SPDEF: variants seen among roughly 807,000 people sequenced by gnomAD.
SPDEF encodes SAM pointed domain-containing Ets transcription factor.
SPDEF carries 12 observed loss-of-function variants against 36.0 expected under a neutral mutation model. The ratio of observed to expected loss-of-function variants is 0.33; its 90% CI spans 0.21 to 0.54. The LOEUF is 0.54. SPDEF is among the 20% of genes least tolerant of loss of function. The pLI, the probability that SPDEF is intolerant of heterozygous loss-of-function variation, is 0.93. For synonymous variants in SPDEF, 205 were observed against 193.0 expected, an observed-to-expected ratio of 1.06 and a Z score of -0.51; for missense variants, 388 against 456.9, an observed-to-expected ratio of 0.85 and a Z score of 1.37.
At chr6:34,553,706 G>A (rs562167806) in intron 1 of SPDEF, among the ~76,000 whole-genome samples, 8 of 152,136 alleles carry the variant, frequency 5.3e-5, no homozygotes, top group South Asian at 2.1e-4. Flanking sequence ...TGAGGAAGCC[G>A]GGGAGCAAAG....
In SPDEF at chr6:34,539,307, A is replaced by C; in HGVS notation, c.772T>G (p.Leu258Val). 2 of 1,613,714 alleles carry C rather than the reference A, an allele frequency of 1.2e-6. No homozygotes were observed. Among genetic ancestry groups the C allele is most frequent in the Non-Finnish European group, 1.7e-6 (2 of 1,179,986 alleles). The stretch of plus-strand genomic sequence containing the variant: ...CCATAGCTGTGGGGCTTGAGTAGCA[A>C]CTCCTTGAGGAACTGCCACAGGTGG... ...PIHLWQFLKE[L>V]LLKPHSYGRF... is the part of the protein sequence containing the mutation. The change falls in exon 5 of 6, where the codon TTG (leucine) becomes GTG (valine). Residue 258 changes from leucine (L) to valine (V), a missense_variant. Physicochemically the swap from Leu to Val is conservative, Grantham distance 32 (BLOSUM62 1). Around this residue, in one of 2 missense-constraint regions of SPDEF, gnomAD observed 80 missense variants for 130.8 expected, o/e 0.61. Coordinates refer to ENST00000374037, the MANE Select transcript of SPDEF (RefSeq NM_012391.3). The surrounding 1 kb of genome is among the most constrained non-coding windows in gnomAD (Gnocchi z 5.2).
chr6:34,554,260 T>C (rs1229509598), intron 1 of SPDEF, among the ~76,000 whole-genome samples: 1 of 152,194 alleles, frequency 6.6e-6, no homozygotes, highest in Non-Finnish European at 1.5e-5. Flanking sequence ...CTATTCACTT[T>C]ATACTCACAA....
chr6:34,543,889 G>C, intron 2 of SPDEF, 131 bp downstream of exon 2: 4 of 827,728 alleles, frequency 4.8e-6, no homozygotes, highest in Non-Finnish European at 7.5e-6. Context: ...AGAAGTGCCA[G>C]CATCCCCAAA....
At chr6:34,542,367 C>T (rs1767840853) in intron 2 of SPDEF, among the ~76,000 whole-genome samples, 1 of 152,246 alleles carries the variant, frequency 6.6e-6, no homozygotes, top group Non-Finnish European at 1.5e-5. Context: ...CCACCCACAG[C>T]ATCAGCTCCA....
chr6:34,551,614 G>T (rs552688671), intron 1 of SPDEF, among the ~76,000 whole-genome samples: 20 of 152,322 alleles, frequency 1.3e-4, no homozygotes, highest in Admixed American at 3.9e-4. Flanking sequence ...GACACCTGGG[G>T]CTCCCTTGTA....
intron 1 of SPDEF, among the ~76,000 whole-genome samples, chr6:34,551,965 G>A (rs1024941015): frequency 2.0e-5 from 3 of 152,108 alleles, no homozygotes; most frequent in African/African-American, 7.2e-5. Context: ...TGCCATTCAC[G>A]TCTTCCTTCA....
rs1171151147 is a variant in SPDEF, at chr6:34,539,983, CAG to C, written c.635-423_635-422del. Among the ~76,000 whole-genome samples the C allele has an allele frequency of 6.6e-6, 1 of 152,158 alleles. No individual in the cohort carries two copies. Among genetic ancestry groups the C allele is most frequent in the Non-Finnish European group, 1.5e-5 (1 of 68,016 alleles). On this transcript the variant is annotated intron_variant, in intron 3 of 5. Transcript: ENST00000374037. This position sits in a 1 kb window ranked among gnomAD's most constrained non-coding sequence, Gnocchi z 5.2. Reference sequence around the variant, plus strand: ...CTGAGATCAAGACAATTTAGACACTCAGGGGCTGACACGCAGCCATTAGAAAT... The same window carrying C: ...CTGAGATCAAGACAATTTAGACACTCGGGCTGACACGCAGCCATTAGAAAT...
At position 34,539,174 on chromosome 6, in the gene SPDEF, T is replaced by C. The variant is rs1767759677; in HGVS notation, c.829+76A>G. On this transcript the variant is annotated intron_variant, in intron 5 of 5. Transcript: ENST00000374037. The surrounding 1 kb of genome is among the most constrained non-coding windows in gnomAD (Gnocchi z 5.2). ...ACCCCTCTGCCCGCCCCTGCCCCCA[T>C]GCACCGTGCCTGGCAGAAGCCCCCA... 1 of 1,548,080 alleles carries C rather than the reference T, an allele frequency of 6.5e-7. No individual in the cohort carries two copies. Among genetic ancestry groups the C allele is most frequent in the South Asian group, 1.2e-5 (1 of 84,850 alleles).
In SPDEF at chr6:34,539,403, G is replaced by A. The variant is rs543915599; in HGVS notation, c.683-7C>T. ...CTCTCCTCACTGGTCGAGGCTGGGT[G>A]GCCAGGGAGGGTGGCGGTGAGTGGG... On this transcript the variant is annotated splice_region_variant and splice_polypyrimidine_tract_variant and intron_variant, in intron 4 of 5. Transcript: ENST00000374037. This position sits in a 1 kb window ranked among gnomAD's most constrained non-coding sequence, Gnocchi z 5.2. The A allele has an allele frequency of 6.2e-7, 1 of 1,613,378 alleles. No individual in the cohort carries two copies. The highest frequency in any genetic ancestry group is 1.3e-5 in the African/African-American group (1 of 75,052).
intron 1 of SPDEF, among the ~76,000 whole-genome samples, chr6:34,547,023 A>G (rs1206778992): frequency 6.0e-5 from 2 of 33,222 alleles, no homozygotes; most frequent in Non-Finnish European, 1.2e-4. Context: ...CCCCTCCTTC[A>G]TCACCCCCTG....
chr6:34,543,102 G>T (rs1767860225), intron 2 of SPDEF, among the ~76,000 whole-genome samples: 1 of 139,238 alleles, frequency 7.2e-6, no homozygotes. Context: ...TGAGGCAGGA[G>T]AATGGCTTGA....
chr6:34,549,225 A>G (rs1230162216), intron 1 of SPDEF, among the ~76,000 whole-genome samples: 2 of 152,222 alleles, frequency 1.3e-5, no homozygotes, highest in African/African-American at 2.4e-5. Flanking sequence ...GAGGCCCCAG[A>G]TCCCACTCCA....
In SPDEF at chr6:34,545,809, G is replaced by A. The variant is rs958906329; in HGVS notation, c.-29-1325C>T. Among the ~76,000 whole-genome samples the A allele has an allele frequency of 5.3e-5, 8 of 152,052 alleles. No individual in the cohort carries two copies. The South Asian group carries it at 6.2e-4, about 12-fold the overall frequency. ...CCTGATTCTCCTGTCTCAGCTACTC[G>A]GGAGGCTGAGGGAGGAGAATCACTT... is the stretch of plus-strand genomic sequence containing the variant. On this transcript the variant is annotated intron_variant, in intron 1 of 5. Transcript: ENST00000374037.
rs1317692217 is a variant in SPDEF at position 34,539,912 on chromosome 6, C to T, written c.635-350G>A. ...TTCTTACTCCTTGACTCAGGCACCA[C>T]CTCCTCCAAAGCACCTGGCCCTGTG... On this transcript the variant is annotated intron_variant, in intron 3 of 5. Transcript: ENST00000374037. This position sits in a 1 kb window ranked among gnomAD's most constrained non-coding sequence, Gnocchi z 5.2. Among the ~76,000 whole-genome samples the T allele has an allele frequency of 6.6e-6, 1 of 152,226 alleles. No individual in the cohort carries two copies. Among genetic ancestry groups the T allele is most frequent in the African/African-American group, 2.4e-5 (1 of 41,450 alleles).
chr6:34,550,956 C>T (rs1324288385), intron 1 of SPDEF, among the ~76,000 whole-genome samples: 1 of 152,260 alleles, frequency 6.6e-6, no homozygotes, highest in Admixed American at 6.5e-5. Flanking sequence ...CTCACTGGCA[C>T]TACTTCCAGC....
At chr6:34,547,609 C>T (rs1223864342) in intron 1 of SPDEF, among the ~76,000 whole-genome samples, 1 of 152,106 alleles carries the variant, frequency 6.6e-6, no homozygotes, top group African/African-American at 2.4e-5. Flanking sequence ...TCAAGTGATC[C>T]CCCTGCTTCA....
In SPDEF at chr6:34,544,436, C is replaced by T. The variant is rs1375723439; in HGVS notation, c.20G>A (p.Gly7Asp). 6.4e-7 allele frequency: 1 copy of T among 1,562,568 alleles called. No individual in the cohort carries two copies. The highest frequency in any genetic ancestry group is 8.7e-7 in the Non-Finnish European group (1 of 1,152,718). The change falls in exon 2 of 6, where the codon GGT (glycine) becomes GAT (aspartate). Residue 7 changes from glycine (G) to aspartate (D), a missense_variant. Transcript: ENST00000374037. This position sits in a 1 kb window ranked among gnomAD's most constrained non-coding sequence, Gnocchi z 4.4. MGSASPGLSSVSPSHLL... is the reference protein window; with the variant it reads MGSASPDLSSVSPSHLL... ...GTGGCTGGGGGATACGCTGCTCAGACCCGGGCTGGCGCTGCCCATGCCGCT... is the reference window on the plus strand; with the variant it reads ...GTGGCTGGGGGATACGCTGCTCAGATCCGGGCTGGCGCTGCCCATGCCGCT...
In SPDEF at chr6:34,538,212, C is replaced by T; in HGVS notation, c.*62G>A. The stretch of plus-strand genomic sequence containing the variant: ...CGTTTTCCCCCATCTCAGGGCCTGG[C>T]TGAGGCAGGGCAGGCAGGAGAGAGG... On this transcript the variant is annotated 3_prime_UTR_variant, in exon 6 of 6. Transcript: ENST00000374037. This position sits in a 1 kb window ranked among gnomAD's most constrained non-coding sequence, Gnocchi z 5.9. 1 of 1,545,518 alleles carries T rather than the reference C, an allele frequency of 6.5e-7. No individual in the cohort carries two copies. Among genetic ancestry groups the T allele is most frequent in the Non-Finnish European group, 8.8e-7 (1 of 1,132,564 alleles).
Position 34,539,162 on chromosome 6 carries a change from C to A in SPDEF, c.829+88G>T, listed in dbSNP as rs1767759085. On this transcript the variant is annotated intron_variant, in intron 5 of 5. Transcript: ENST00000374037. This position sits in a 1 kb window ranked among gnomAD's most constrained non-coding sequence, Gnocchi z 5.2. ...GGGATCAGCTTCACCCCTCTGCCCG[C>A]CCCTGCCCCCATGCACCGTGCCTGG... The A allele has an allele frequency of 2.7e-6, 4 of 1,492,272 alleles. No individual in the cohort carries two copies. The Admixed American group carries it at 7.2e-5, about 27-fold the overall frequency. 92.4% of individuals were successfully genotyped at this position (1,492,272 alleles called of 1,614,324 possible). A position where few individuals can be genotyped will look rare whatever the true frequency, so the allele number is the denominator to read the frequency against.
Sources: allele counts gnomAD v4.1 joint callset (sites outside exome capture counted in the v4.1 genomes callset), GRCh38; gene constraint gnomAD v4.1.1; regional missense constraint gnomAD v4.1.1; non-coding constraint Gnocchi (gnomAD v3.1); transcripts MANE v1.5; gene names NCBI Gene and HGNC (gene_info 2026-07-23, HGNC 2026-07-21).